ERICH3: variants seen among roughly 807,000 people sequenced by gnomAD.
ERICH3 encodes glutamate rich 3, also known as glutamate-rich protein 3.
A neutral mutation model predicts 131.1 loss-of-function variants in ERICH3; 126 were observed. The ratio of observed to expected loss-of-function variants is 0.96; its 90% CI spans 0.83 to 1.11. The LOEUF (loss-of-function observed/expected upper bound fraction) is 1.11. Among genes scored for constraint, ERICH3 ranks in the 50% most tolerant of loss-of-function variants. The pLI, the probability that ERICH3 is intolerant of heterozygous loss-of-function variation, is 0.00. For synonymous variants in ERICH3, 695 were observed against 644.6 expected (o/e 1.08, Z -1.18); for missense variants, 2,050 against 1,810.7 (o/e 1.13, Z -2.40).
At position 74,571,132 on chromosome 1, in the gene ERICH3, G is replaced by A. The variant is rs1464807629; in HGVS notation, c.4578C>T (p.Asn1526=). 1 of 1,613,506 alleles carries A rather than the reference G, an allele frequency of 6.2e-7. No individual in the cohort carries two copies. The change falls in exon 14 of 15, where the codon AAC becomes AAT. Residue 1526 remains asparagine (N), a synonymous_variant. Transcript: ENST00000326665. The stretch of plus-strand genomic sequence containing the variant: ...AGCAAGTCTCCTAGACCTGCACGTT[G>A]TTGGGGGAAACATCTGCAGTCTCGC... The part of the protein sequence containing the change: ...GESETADVSP[N]NVQV
intron 1 of ERICH3, among the ~76,000 whole-genome samples, chr1:74,670,685 A>G (rs539400883): frequency 1.2e-4 from 19 of 152,212 alleles, no homozygotes; most frequent in Non-Finnish European, 2.2e-4. Context: ...GTGTGTTTGA[A>G]CAATATGAAA....
chr1:74,645,384 T>G (rs1280804367), intron 3 of ERICH3, among the ~76,000 whole-genome samples: 1 of 151,640 alleles, frequency 6.6e-6, no homozygotes, highest in Non-Finnish European at 1.5e-5. Flanking sequence ...ATAAATATTG[T>G]TTTTTTCTAT....
Position 74,568,436 on chromosome 1 carries a change from G to T in ERICH3, c.*2022C>A, listed in dbSNP as rs1408894656. The T allele has an allele frequency of 1.3e-5, 2 of 152,116 alleles. No individual in the cohort carries two copies. Among genetic ancestry groups the T allele is most frequent in the Admixed American group, 1.3e-4 (2 of 15,260 alleles). 9.4% of individuals were successfully genotyped at this position (152,116 alleles called of 1,614,324 possible). On this transcript the variant is annotated 3_prime_UTR_variant, in exon 15 of 15. Transcript: ENST00000326665. ...TGTGATGTATTCAAAGTGCTCTGTA[G>T]CATTGAGTTTGAAATCAGGAAACAA...
rs75314541 is a variant in ERICH3 at position 74,611,379 on chromosome 1, T to G, written c.1187+1244A>C. 7.7e-3 allele frequency among the ~76,000 whole-genome samples: 1,169 copies of G among 152,298 alleles called. 18 individuals are homozygous for G. The highest frequency in any genetic ancestry group is 0.026 in the African/African-American group (1,081 of 41,574). ...ATCAGTAAATTCTGTAAGCTCTACCTTTAAAATTACTTCTAACTCATTCCA... is the reference window on the plus strand; with the variant it reads ...ATCAGTAAATTCTGTAAGCTCTACCGTTAAAATTACTTCTAACTCATTCCA... On this transcript the variant is annotated intron_variant, in intron 9 of 14. Transcript: ENST00000326665.
At chr1:74,596,830 C>T (rs1647874134) in intron 11 of ERICH3, among the ~76,000 whole-genome samples, 1 of 152,020 alleles carries the variant, frequency 6.6e-6, no homozygotes, top group South Asian at 2.1e-4. Context: ...AGGGTCCTCT[C>T]TTAGTCAGCT....
intron 2 of ERICH3, among the ~76,000 whole-genome samples, chr1:74,647,416 C>T (rs561412933): frequency 6.6e-6 from 1 of 151,816 alleles, no homozygotes; most frequent in Admixed American, 6.6e-5. Flanking sequence ...TTTTTTCTTC[C>T]ACTCTCCAGC....
chr1:74,673,224 C>A (rs183119704), intron 1 of ERICH3, among the ~76,000 whole-genome samples: 1 of 152,276 alleles, frequency 6.6e-6, no homozygotes, highest in Admixed American at 6.5e-5. Flanking sequence ...TTAATGTATG[C>A]GTTTTTCACT....
chr1:74,610,128 A>G (rs1360550638), intron 9 of ERICH3, among the ~76,000 whole-genome samples: 1 of 151,924 alleles, frequency 6.6e-6, no homozygotes, highest in Non-Finnish European at 1.5e-5. Context: ...ATCAGGAGAC[A>G]GCATATTTGA....
At position 74,569,910 on chromosome 1, in the gene ERICH3, G is replaced by T. The variant is rs1307361137; in HGVS notation, c.*548C>A. 3.3e-5 allele frequency: 5 copies of T among 152,206 alleles called. No homozygotes were observed. Among genetic ancestry groups the T allele is most frequent in the Admixed American group, 2.0e-4 (3 of 15,286 alleles). 9.4% of individuals were successfully genotyped at this position (152,206 alleles called of 1,614,324 possible). ...CATGCCAAGAAATCTTTTGCTGGAA[G>T]AACTTAGAGATTTGGAGCAATCTTG... On this transcript the variant is annotated 3_prime_UTR_variant, in exon 15 of 15. Coordinates refer to ENST00000326665, the MANE Select transcript of ERICH3 (RefSeq NM_001002912.5).
chr1:74,599,655 A>C, intron 11 of ERICH3, 40 bp downstream of exon 11: 1 of 1,444,106 alleles, frequency 6.9e-7, no homozygotes, highest in South Asian at 1.3e-5. Flanking sequence ...AAACACACTC[A>C]GTAAACAGCC....
rs1382266259 is a variant in ERICH3, at chr1:74,612,670, T to C, written c.1140A>G (p.Arg380=). The C allele has an allele frequency of 6.3e-7, 1 of 1,592,780 alleles. No homozygotes were observed. Among genetic ancestry groups the C allele is most frequent in the Admixed American group, 1.7e-5 (1 of 59,830 alleles). ...HRKGSRLGGK[R]GYFGFVCVER... ...CAACACACACAAACCCAAAGTAGCC[T>C]CGTTTGCCTCCAAGCCTGGAACCTT... is the stretch of plus-strand genomic sequence containing the variant. Residue 380 remains arginine (R), a synonymous_variant, in exon 9 of 15, where the codon CGA becomes CGG. Coordinates refer to ENST00000326665, the MANE Select transcript of ERICH3 (RefSeq NM_001002912.5).
intron 12 of ERICH3, chr1:74,579,866 G>T (rs1647145135): frequency 2.0e-6 from 2 of 984,246 alleles, no homozygotes; most frequent in Non-Finnish European, 2.4e-6. Flanking sequence ...CACAGCATTA[G>T]TTGCCAAATG....
chr1:74,616,454 A>C (rs1386492646), intron 8 of ERICH3, among the ~76,000 whole-genome samples: 2 of 152,196 alleles, frequency 1.3e-5, no homozygotes, highest in Admixed American at 1.3e-4. Context: ...TGGAAGTGGC[A>C]TGGATCAGAG....
chr1:74,584,038 A>G (rs574635686), intron 12 of ERICH3, among the ~76,000 whole-genome samples: 1 of 152,310 alleles, frequency 6.6e-6, no homozygotes, highest in Admixed American at 6.5e-5. Context: ...GTTCCTGGTG[A>G]CCTTGAAAAG....
In ERICH3 at chr1:74,589,654, C is replaced by A; in HGVS notation, c.2153G>T (p.Gly718Val). 1 of 1,613,998 alleles carries A rather than the reference C, an allele frequency of 6.2e-7. No homozygotes were observed. Among genetic ancestry groups the A allele is most frequent in the East Asian group, 2.2e-5 (1 of 44,878 alleles). ...STAQVKDKKAGLPGLEEGGKD... is the reference protein window; with the variant it reads ...STAQVKDKKAVLPGLEEGGKD... ...ACCACCTTCCTCCAACCCAGGGAGA[C>A]CTGCCTTTTTGTCCTTCACCTGAGC... Residue 718 changes from glycine (G) to valine (V), a missense_variant, in exon 12 of 15, where the codon GGT (glycine) becomes GTT (valine). By Grantham distance (109) the Gly-to-Val change is moderately radical. Coordinates refer to ENST00000326665, the MANE Select transcript of ERICH3 (RefSeq NM_001002912.5).
At chr1:74,582,320 T>A (rs1647194867) in intron 12 of ERICH3, among the ~76,000 whole-genome samples, 1 of 152,190 alleles carries the variant, frequency 6.6e-6, no homozygotes, top group Non-Finnish European at 1.5e-5. Context: ...CCTGATGTCT[T>A]TCTCTAATTT....
chr1:74,592,556 C>A (rs1191317773), intron 11 of ERICH3, among the ~76,000 whole-genome samples: 2 of 152,164 alleles, frequency 1.3e-5, no homozygotes, highest in African/African-American at 4.8e-5. Context: ...CTACTTTTAG[C>A]TCTGAGAGTT....
At chr1:74,648,498 C>T (rs1445798183) in intron 2 of ERICH3, among the ~76,000 whole-genome samples, 2 of 152,110 alleles carry the variant, frequency 1.3e-5, no homozygotes, top group Non-Finnish European at 2.9e-5. Flanking sequence ...GAAAAGCAAG[C>T]TCTCTGAGAT....
intron 7 of ERICH3, chr1:74,623,994 T>C (rs1354049701): frequency 6.6e-6 from 1 of 152,184 alleles, no homozygotes. Context: ...TCTCTCTCAG[T>C]AGATAAGGAT....
Sources: gnomAD v4.1 joint callset for allele counts (sites outside exome capture counted in the v4.1 genomes callset) on GRCh38, gnomAD v4.1.1 for gene constraint, MANE v1.5 for transcripts, NCBI Gene and HGNC (gene_info 2026-07-23, HGNC 2026-07-21) for gene names.